Variants in TCP11 observed in about 807,000 individuals in gnomAD.
The protein encoded by TCP11 is T-complex protein 11 homolog.
Under a neutral mutation model 45.0 loss-of-function variants are expected in TCP11, and 34 were observed. The ratio of observed to expected loss-of-function variants is 0.76; its 90% confidence interval spans 0.57 to 1.01. TCP11 has a LOEUF of 1.01. Ranked by LOEUF, TCP11 falls within the 50% of genes least tolerant of loss-of-function variation. TCP11 has a pLI of 0.00. For synonymous variants in TCP11, 227 were observed against 227.0 expected (o/e 1.00, Z 0.00); for missense variants, 523 against 598.1 (o/e 0.87, Z 1.31).
At chr6:35,130,984 A>C (rs993579441) in intron 3 of TCP11, among the ~76,000 whole-genome samples, 3 of 152,254 alleles carry the variant, frequency 2.0e-5, no homozygotes, top group Non-Finnish European at 2.9e-5. Flanking sequence ...ACTGATAAAT[A>C]AACTGCCCAT....
At chr6:35,134,967 G>A (rs1015924144) in intron 3 of TCP11, among the ~76,000 whole-genome samples, 4 of 152,076 alleles carry the variant, frequency 2.6e-5, no homozygotes, top group African/African-American at 9.7e-5. Flanking sequence ...GACCAACATG[G>A]AGAAACCCCA....
intron 4 of TCP11, among the ~76,000 whole-genome samples, chr6:35,126,545 G>C (rs905342228): frequency 6.6e-6 from 1 of 151,242 alleles, no homozygotes; most frequent in Non-Finnish European, 1.5e-5. Context: ...TAACTAAAAA[G>C]TAGAATGGCT....
chr6:35,128,879 ACTCT>A, intron 4 of TCP11, 179 bp downstream of exon 4: 3 of 717,592 alleles, frequency 4.2e-6, no homozygotes, highest in Non-Finnish European at 6.4e-6. Context: ...CATTTCTCCT[ACTCT>A]CTGTTATAAT....
chr6:35,132,130 C>T lies in TCP11; in HGVS notation c.237-2948G>A, dbSNP rs1338491388. Among the ~76,000 whole-genome samples the T allele has an allele frequency of 3.9e-5, 6 of 152,348 alleles. No homozygotes were observed. In the East Asian group the frequency reaches 7.7e-4, roughly 20 times the overall value. ...TATCATACTGCTCTGGCCTCTCTTT[C>T]CAATGTATTTTCTTCTACCTTGTAA... On this transcript the variant is annotated intron_variant, in intron 3 of 9. Coordinates refer to ENST00000311875, the MANE Select transcript of TCP11 (RefSeq NM_001370687.1).
At chr6:35,118,619 C>G in intron 9 of TCP11, 118 bp from the exon 10 acceptor site, 1 of 844,132 alleles carries the variant, frequency 1.2e-6, no homozygotes, top group South Asian at 1.9e-5. Context: ...ACCTGCCCCC[C>G]TACCTAGAGA....
intron 9 of TCP11, 88 bp from the exon 10 acceptor site, chr6:35,118,589 A>G (rs1341334911): frequency 8.0e-7 from 1 of 1,244,056 alleles, no homozygotes; most frequent in African/African-American, 1.5e-5. Context: ...CCCATGTTCT[A>G]AGTTAACAGA....
chr6:35,120,943 C>T lies in TCP11; in HGVS notation c.681G>A (p.Arg227=). 6.2e-7 allele frequency: 1 copy of T among 1,613,780 alleles called. No individual in the cohort carries two copies. Among genetic ancestry groups the T allele is most frequent in the Admixed American group, 1.7e-5 (1 of 60,004 alleles). The change falls in exon 6 of 10, where the codon CGG becomes CGA. Residue 227 remains arginine (R), a synonymous_variant. Coordinates refer to ENST00000311875, the MANE Select transcript of TCP11 (RefSeq NM_001370687.1). The surrounding 1 kb of genome is among the most constrained non-coding windows in gnomAD (Gnocchi z 4.9). The part of the protein sequence containing the change: ...HLQEHSIQYE[R]AKFQELLNKQ... ...TATTGAGGAGTTCCTGGAATTTAGC[C>T]CGTTCATACTGAATGGAATGTTCCT...
At position 35,120,940 on chromosome 6, in the gene TCP11, A is replaced by T. The variant is rs778272595; in HGVS notation, c.684T>A (p.Ala228=). The change falls in exon 6 of 10, where the codon GCT becomes GCA. Residue 228 remains alanine, a synonymous_variant. Transcript: ENST00000311875. The surrounding 1 kb of genome is among the most constrained non-coding windows in gnomAD (Gnocchi z 4.9). ...GCTTATTGAGGAGTTCCTGGAATTT[A>T]GCCCGTTCATACTGAATGGAATGTT... ...LQEHSIQYER[A]KFQELLNKQP... The T allele has an allele frequency of 5.0e-6, 8 of 1,613,884 alleles. No homozygotes were observed. In the Admixed American group the frequency reaches 1.0e-4, roughly 20 times the overall value.
chr6:35,120,781 C>T lies in TCP11; in HGVS notation c.715+128G>A. On this transcript the variant is annotated intron_variant, in intron 6 of 9. Transcript: ENST00000311875. This position sits in a 1 kb window ranked among gnomAD's most constrained non-coding sequence, Gnocchi z 4.9. ...GGTCTTTCTGTCTTAGATAAATGTT[C>T]CTTCTCCCTCCCTTCACCTAATAAG... The T allele has an allele frequency of 7.2e-7, 1 of 1,386,314 alleles. No individual in the cohort carries two copies. Among genetic ancestry groups the T allele is most frequent in the Non-Finnish European group, 9.9e-7 (1 of 1,014,038 alleles). 85.9% of individuals were successfully genotyped at this position (1,386,314 alleles called of 1,614,324 possible). A position where few individuals can be genotyped will look rare whatever the true frequency, so the allele number is the denominator to read the frequency against.
At position 35,118,177 on chromosome 6, in the gene TCP11, G is replaced by T; in HGVS notation, c.*92C>A. 9.2e-7 allele frequency: 1 copy of T among 1,083,502 alleles called. No individual in the cohort carries two copies. Among genetic ancestry groups the T allele is most frequent in the Non-Finnish European group, 1.4e-6 (1 of 717,804 alleles). The allele number at this position is 1,083,502 out of a possible 1,614,324, so 67.1% of individuals were successfully genotyped here. Reference sequence around the variant, plus strand: ...ACTGGCTGCAGGGCCTGGGATAGAAGCTCACTGTCTGCTGGTCACTGGTGA... The same window carrying T: ...ACTGGCTGCAGGGCCTGGGATAGAATCTCACTGTCTGCTGGTCACTGGTGA... On this transcript the variant is annotated 3_prime_UTR_variant, in exon 10 of 10. Coordinates refer to ENST00000311875, the MANE Select transcript of TCP11 (RefSeq NM_001370687.1).
chr6:35,118,270 C>CTA lies in TCP11; in HGVS notation c.1510_1511insTA (p.Ter504LeufsTer23). ...TACCAGGGCTCTGAGCCGACGCTATCAAACAGACTCCACTTTTGTTTCCAG... is the reference window on the plus strand; with the variant it reads ...TACCAGGGCTCTGAGCCGACGCTATCTAAAACAGACTCCACTTTTGTTTCCAG... On this transcript the variant is annotated frameshift_variant and stop_lost, in exon 10 of 10. Transcript: ENST00000311875. LOFTEE classifies it high-confidence loss of function. 1 of 1,614,008 alleles carries CTA rather than the reference C, an allele frequency of 6.2e-7. No individual in the cohort carries two copies. The highest frequency in any genetic ancestry group is 1.1e-5 in the South Asian group (1 of 91,068).
At chr6:35,139,818 T>TTTTA (rs1426530361) in intron 2 of TCP11, among the ~76,000 whole-genome samples, 1 of 152,186 alleles carries the variant, frequency 6.6e-6, no homozygotes, top group Non-Finnish European at 1.5e-5. Context: ...CCGAAATAGA[T>TTTTA]TTTAAAAATC....
chr6:35,120,721 A>T lies in TCP11; in HGVS notation c.716-75T>A. 6.8e-7 allele frequency: 1 copy of T among 1,471,768 alleles called. No homozygotes were observed. Among genetic ancestry groups the T allele is most frequent in the Non-Finnish European group, 9.3e-7 (1 of 1,077,250 alleles). 91.2% of individuals were successfully genotyped at this position (1,471,768 alleles called of 1,614,324 possible). A position where few individuals can be genotyped will look rare whatever the true frequency, so the allele number is the denominator to read the frequency against. ...AGGCTTCAAGACCAAGGTTCTTTTC[A>T]AGTATACTCCTGGTCAATAAATAAA... is the stretch of plus-strand genomic sequence containing the variant. On this transcript the variant is annotated intron_variant, in intron 6 of 9. Transcript: ENST00000311875. This position sits in a 1 kb window ranked among gnomAD's most constrained non-coding sequence, Gnocchi z 4.9.
In TCP11 at chr6:35,118,084, A is replaced by C. The variant is rs542949106; in HGVS notation, c.*185T>G. The C allele has an allele frequency of 5.0e-6, 3 of 603,978 alleles. No individual in the cohort carries two copies. The Admixed American group carries it at 9.0e-5, about 18-fold the overall frequency. The allele number at this position is 603,978 out of a possible 1,614,324, so 37.4% of individuals were successfully genotyped here. ...AAAAATGGAGGATTTCTTGCACTTA[A>C]GAAGTTTATTAATGAATGGGTATGG... On this transcript the variant is annotated 3_prime_UTR_variant, in exon 10 of 10. Transcript: ENST00000311875.
At chr6:35,133,590 G>A (rs559185429) in intron 3 of TCP11, among the ~76,000 whole-genome samples, 30 of 152,130 alleles carry the variant, frequency 2.0e-4, no homozygotes, top group African/African-American at 7.0e-4. Context: ...AAGAGATCGA[G>A]ACCACCCTGG....
rs576696549 is a variant in TCP11 at position 35,118,139 on chromosome 6, A to G, written c.*130T>C. 8.2e-5 allele frequency: 61 copies of G among 743,844 alleles called. No individual in the cohort carries two copies. In the African/African-American group the frequency reaches 9.4e-4, roughly 11 times the overall value. 46.1% of individuals were successfully genotyped at this position (743,844 alleles called of 1,614,324 possible). A position where few individuals can be genotyped will look rare whatever the true frequency, so the allele number is the denominator to read the frequency against. ...GTTGGTGTTTACATGCTTGATCCCT[A>G]CAGCCTTGGTGTACTGGCTGCAGGG... On this transcript the variant is annotated 3_prime_UTR_variant, in exon 10 of 10. Coordinates refer to ENST00000311875, the MANE Select transcript of TCP11 (RefSeq NM_001370687.1).
intron 2 of TCP11, among the ~76,000 whole-genome samples, chr6:35,138,864 C>T (rs945527971): frequency 2.6e-5 from 4 of 152,056 alleles, no homozygotes; most frequent in African/African-American, 4.8e-5. Flanking sequence ...ATATACACAC[C>T]TACTATGTAC....
At chr6:35,130,734 A>G (rs971179698) in intron 3 of TCP11, among the ~76,000 whole-genome samples, 1 of 152,244 alleles carries the variant, frequency 6.6e-6, no homozygotes, top group Non-Finnish European at 1.5e-5. Context: ...ACCAGGATAT[A>G]GAGAAATAGG....
Position 35,120,484 on chromosome 6 carries a change from C to T in TCP11, c.878G>A (p.Cys293Tyr). The T allele has an allele frequency of 1.2e-6, 2 of 1,611,896 alleles. No individual in the cohort carries two copies. The highest frequency in any genetic ancestry group is 2.2e-5 in the East Asian group (1 of 44,868). The change falls in exon 7 of 10, where the codon TGT becomes TAT. Residue 293 changes from cysteine (C) to tyrosine (Y), a missense_variant. This residue lies in a region of TCP11 where 298 missense variants were observed against 387.9 expected (regional missense o/e 0.77). Coordinates refer to ENST00000311875, the MANE Select transcript of TCP11 (RefSeq NM_001370687.1). This position sits in a 1 kb window ranked among gnomAD's most constrained non-coding sequence, Gnocchi z 4.9. ...PEPLSPTMVL[C>Y]QGFLNLLLWD... ...GAGAAGGAGGTTCAAGAAGCCCTGA[C>T]ACAGCACCATTGTGGGGCTGAGGGG...
Sources: gnomAD v4.1 joint callset for allele counts (sites outside exome capture counted in the v4.1 genomes callset) on GRCh38, gnomAD v4.1.1 for gene constraint, gnomAD v4.1.1 regional missense constraint, Gnocchi (gnomAD v3.1) non-coding constraint, MANE v1.5 for transcripts, NCBI Gene and HGNC (gene_info 2026-07-23, HGNC 2026-07-21) for gene names.